Variants in DGKZ observed in about 807,000 individuals in gnomAD.
The protein encoded by DGKZ is diacylglycerol kinase zeta, also known as DAG kinase zeta.
Under a neutral mutation model 142.5 loss-of-function variants are expected in DGKZ, and 45 were observed. The observed-to-expected ratio is 0.32, with a 90% CI of 0.25 to 0.40. DGKZ has a LOEUF of 0.40. Ranked by LOEUF, DGKZ falls within the 10% of genes least tolerant of loss-of-function variation. The probability of loss-of-function intolerance (pLI) is 1.00; values close to 1 mark genes in which losing one functional copy is unlikely to be tolerated. For synonymous variants in DGKZ, 442 were observed against 527.0 expected, an observed-to-expected ratio of 0.84 and a Z score of 2.21; for missense variants, 755 against 1,306.5, an observed-to-expected ratio of 0.58 and a Z score of 6.51.
chr11:46,337,177 G>A (rs957441918), intron 1 of DGKZ, among the ~76,000 whole-genome samples: 4 of 151,988 alleles, frequency 2.6e-5, no homozygotes, highest in African/African-American at 9.7e-5. Context: ...GGCAAGGGAT[G>A]CAGGGCTTGG....
chr11:46,360,160 G>A (rs1307468351), intron 1 of DGKZ, among the ~76,000 whole-genome samples: 1 of 152,122 alleles, frequency 6.6e-6, no homozygotes. Context: ...TATTAGGCCA[G>A]ATGTTAAAGA....
At chr11:46,335,492 C>T (rs1422946370) in intron 1 of DGKZ, among the ~76,000 whole-genome samples, 1 of 152,146 alleles carries the variant, frequency 6.6e-6, no homozygotes, top group East Asian at 1.9e-4. Context: ...CCTGGGTGGC[C>T]CCAGAAGGGA....
In DGKZ at chr11:46,347,531, C is replaced by A. The variant is rs1564999886; in HGVS notation, c.-129C>A. 2 of 982,542 alleles carry A rather than the reference C, an allele frequency of 2.0e-6. No homozygotes were observed. Among genetic ancestry groups the A allele is most frequent in the Non-Finnish European group, 2.4e-6 (2 of 829,378 alleles). The allele number at this position is 982,542 out of a possible 1,614,324, so 60.9% of individuals were successfully genotyped here. A position where few individuals can be genotyped will look rare whatever the true frequency, so the allele number is the denominator to read the frequency against. On this transcript the variant is annotated 5_prime_UTR_variant, in exon 1 of 31. Transcript: ENST00000527911. This position sits in a 1 kb window ranked among gnomAD's most constrained non-coding sequence, Gnocchi z 6.4. ...GGGCGTGGGGAGCGGGGGCGCGCGG[C>A]GCGGGGCGGGCGGAGCGAGCGCGCG...
At chr11:46,342,630 T>C (rs999584069), upstream of DGKZ, among the ~76,000 whole-genome samples, 2 of 6,342 alleles carry the variant, frequency 3.2e-4, no homozygotes, top group African/African-American at 7.2e-4. Context: ...GATAATGGGT[T>C]GGAGAGGAAA....
At chr11:46,363,913 T>C (rs1488313799) in intron 1 of DGKZ, among the ~76,000 whole-genome samples, 1 of 152,204 alleles carries the variant, frequency 6.6e-6, no homozygotes, top group African/African-American at 2.4e-5. Flanking sequence ...AGGTCCCGAA[T>C]GCCGCTGACT....
intron 27 of DGKZ, 24 bp downstream of exon 27, chr11:46,378,524 C>T: frequency 6.2e-7 from 1 of 1,613,032 alleles, no homozygotes; most frequent in East Asian, 2.2e-5. Context: ...GCTCCAGTTC[C>T]TTCCCCCAGC....
intron 5 of DGKZ, 83 bp from the exon 6 acceptor site, chr11:46,369,856 CCG>C: frequency 6.9e-7 from 1 of 1,447,744 alleles, no homozygotes. Flanking sequence ...TCCTGCAGCC[CCG>C]TGTGTTGAGC....
At chr11:46,362,321 G>C (rs1230396834) in intron 1 of DGKZ, among the ~76,000 whole-genome samples, 1 of 152,178 alleles carries the variant, frequency 6.6e-6, no homozygotes, top group Non-Finnish European at 1.5e-5. Flanking sequence ...CTGGTACCGG[G>C]TGCAGAGGGC....
intron 1 of DGKZ, chr11:46,361,783 TG>T (rs1297592320): frequency 1.2e-5 from 8 of 652,504 alleles, no homozygotes; most frequent in Non-Finnish European, 5.7e-6. Flanking sequence ...CGGGGAGGGT[TG>T]GATCCGGGCG....
chr11:46,375,280 A>G, intron 19 of DGKZ, 152 bp from the exon 20 acceptor site: 2 of 916,596 alleles, frequency 2.2e-6, no homozygotes, highest in East Asian at 5.3e-5. Context: ...TCCCTTTCCT[A>G]CCTGGGGTCT....
At chr11:46,370,626 G>C (rs1257274327) in intron 6 of DGKZ, among the ~76,000 whole-genome samples, 1 of 152,178 alleles carries the variant, frequency 6.6e-6, no homozygotes, top group Non-Finnish European at 1.5e-5. Flanking sequence ...TCAGGCCTCG[G>C]GGGTAGGAAG....
rs1175079579 is a variant in DGKZ, at chr11:46,367,787, G to A, written c.366+40G>A. 1.2e-6 allele frequency: 2 copies of A among 1,608,488 alleles called. No individual in the cohort carries two copies. Among genetic ancestry groups the A allele is most frequent in the South Asian group, 1.1e-5 (1 of 90,924 alleles). On this transcript the variant is annotated intron_variant, in intron 3 of 30. Transcript: ENST00000527911. The surrounding 1 kb of genome is among the most constrained non-coding windows in gnomAD (Gnocchi z 4.1). ...GGGCACGCCGCCCCCTGCTGGTGGA[G>A]CCAGTAGCCGCAGCCCTTCCGGGAA...
At chr11:46,375,082 AG>A (rs1944388731) in intron 19 of DGKZ, 37 bp downstream of exon 19, 1 of 1,529,568 alleles carries the variant, frequency 6.5e-7, no homozygotes, top group Admixed American at 2.0e-5. Flanking sequence ...CTGGGAGCAC[AG>A]CCCAAAGGTG....
Position 46,372,001 on chromosome 11 carries a change from A to AG in DGKZ, c.832-69dup. 7.0e-7 allele frequency: 1 copy of AG among 1,432,034 alleles called. No homozygotes were observed. The allele number at this position is 1,432,034 out of a possible 1,614,324, so 88.7% of individuals were successfully genotyped here. A position where few individuals can be genotyped will look rare whatever the true frequency, so the allele number is the denominator to read the frequency against. The stretch of plus-strand genomic sequence containing the variant: ...GTACAAAGAGGGAACAAAGTCACCC[A>AG]GGGGGCCTGCTAAGGATGATGGTAG... On this transcript the variant is annotated intron_variant, in intron 9 of 30. Transcript: ENST00000527911. This position sits in a 1 kb window ranked among gnomAD's most constrained non-coding sequence, Gnocchi z 5.9.
exon 24 of DGKZ, chr11:46,376,563 A>T: frequency 6.2e-7 from 1 of 1,613,526 alleles, no homozygotes; most frequent in Non-Finnish European, 8.5e-7. Flanking sequence ...GACCGAGCCC[A>T]GGTGAGCGAT....
At position 46,358,855 on chromosome 11, in the gene DGKZ, CAT is replaced by C. The variant is rs148984612; in HGVS notation, c.162-8435_162-8434del. On this transcript the variant is annotated intron_variant, in intron 1 of 30. Transcript: ENST00000527911. ...TGTGATTTTTGGTATTGTATAATAA[CAT>C]GTGGGCCAGGTGTGGAGGCTCACAC... Among the ~76,000 whole-genome samples the C allele has an allele frequency of 1.6e-3, 244 of 152,214 alleles. 1 individual carries two copies. Among genetic ancestry groups the C allele is most frequent in the African/African-American group, 5.7e-3 (235 of 41,520 alleles).
At chr11:46,369,708 T>G (rs1943730282) in intron 5 of DGKZ, 158 bp downstream of exon 5, 2 of 1,041,474 alleles carry the variant, frequency 1.9e-6, no homozygotes, top group East Asian at 5.0e-5. Flanking sequence ...TAACTAGCGC[T>G]GCCTGCGGAG....
intron 19 of DGKZ, 150 bp from the exon 20 acceptor site, chr11:46,375,282 C>T (rs753835918): frequency 5.5e-5 from 51 of 932,830 alleles, no homozygotes; most frequent in Non-Finnish European, 7.1e-5. Flanking sequence ...CCTTTCCTAC[C>T]TGGGGTCTCA....
At chr11:46,350,436 T>C (rs1164975226) in intron 1 of DGKZ, among the ~76,000 whole-genome samples, 10 of 152,340 alleles carry the variant, frequency 6.6e-5, no homozygotes, top group Non-Finnish European at 1.2e-4. Flanking sequence ...CCCAGCTCCA[T>C]GCTAGCTCTT....
Sources: allele counts gnomAD v4.1 joint callset (sites outside exome capture counted in the v4.1 genomes callset), GRCh38; gene constraint gnomAD v4.1.1; non-coding constraint Gnocchi (gnomAD v3.1); transcripts MANE v1.5; gene names NCBI Gene and HGNC (gene_info 2026-07-23, HGNC 2026-07-21).